ANXA8: variants seen among roughly 807,000 people sequenced by gnomAD.
The protein encoded by ANXA8 is annexin A8.
Under a neutral mutation model 26.8 loss-of-function variants are expected in ANXA8, and 9 were observed. The observed-to-expected ratio is 0.34, with a 90% CI of 0.20 to 0.59. The LOEUF (loss-of-function observed/expected upper bound fraction) is 0.59, where lower values mean the gene tolerates loss of function less well. Ranked by LOEUF, ANXA8 falls within the 20% of genes least tolerant of loss-of-function variation. The pLI is 0.84. For synonymous variants in ANXA8, 39 were observed against 94.8 expected (o/e 0.41, Z 3.42); for missense variants, 83 against 238.5 (o/e 0.35, Z 4.29).
the ANXA8 span, among the ~76,000 whole-genome samples, chr10:47,769,122 G>A: frequency 2.1e-5 from 3 of 141,366 alleles, no homozygotes; most frequent in Middle Eastern, 3.5e-3. Flanking sequence ...GGTAGAGGAG[G>A]GAGCAAGTGG....
At chr10:47,667,929 G>C in the ANXA8 span, among the ~76,000 whole-genome samples, 9 of 151,816 alleles carry the variant, frequency 5.9e-5, no homozygotes, top group African/African-American at 2.2e-4. Flanking sequence ...GTAGAGACAG[G>C]GTTTCACCAT....
the ANXA8 span, among the ~76,000 whole-genome samples, chr10:47,971,029 G>A: frequency 1.5e-4 from 23 of 151,500 alleles, 2 homozygotes; most frequent in Non-Finnish European, 2.8e-4. Context: ...TGCCACCTTC[G>A]TGCTATGTGA....
the ANXA8 span, among the ~76,000 whole-genome samples, chr10:47,768,342 G>C: frequency 6.6e-6 from 1 of 151,520 alleles, no homozygotes; most frequent in Non-Finnish European, 1.5e-5. Flanking sequence ...AGCCATAAGA[G>C]GGCAGAAAGA....
At chr10:47,937,822 C>CTGTAAAGGACATGTTCA in the ANXA8 span, among the ~76,000 whole-genome samples, 4 of 147,424 alleles carry the variant, frequency 2.7e-5, no homozygotes, top group East Asian at 7.9e-4. Flanking sequence ...GATCATGTTC[C>CTGTAAAGGACATGTTCA]TGTAAAGGAC....
chr10:47,659,816 A>G, the ANXA8 span, among the ~76,000 whole-genome samples: 10 of 146,086 alleles, frequency 6.8e-5, no homozygotes, highest in Middle Eastern at 7.0e-3. Context: ...GGGTGCAGTG[A>G]TGTGATCTCT....
chr10:47,721,175 G>A, the ANXA8 span, among the ~76,000 whole-genome samples: 3 of 141,414 alleles, frequency 2.1e-5, 1 homozygote, highest in East Asian at 8.3e-4. Context: ...TGCATGGTAT[G>A]TAACAAACAA....
chr10:47,894,627 A>G, the ANXA8 span, among the ~76,000 whole-genome samples: 1 of 149,406 alleles, frequency 6.7e-6, no homozygotes, highest in Admixed American at 6.7e-5. Flanking sequence ...TACACACACC[A>G]CACACTACAC....
the ANXA8 span, chr10:47,563,803 T>C: frequency 1.4e-6 from 1 of 689,722 alleles, no homozygotes; most frequent in Non-Finnish European, 2.6e-6. Context: ...TTTTAAGTTG[T>C]ACTCTTTAAG....
chr10:47,568,549 CTTGTT>C, the ANXA8 span, among the ~76,000 whole-genome samples: 1 of 35,974 alleles, frequency 2.8e-5, no homozygotes, highest in East Asian at 3.3e-4. Context: ...TTTTATGAGT[CTTGTT>C]TTTTTTTTTT....
chr10:47,556,391 A>G, the ANXA8 span, among the ~76,000 whole-genome samples: 1 of 151,986 alleles, frequency 6.6e-6, no homozygotes, highest in African/African-American at 2.4e-5. Context: ...AGTTACTGTT[A>G]TCTTTTACTA....
At chr10:47,763,239 T>G in the ANXA8 span, 1 of 985,618 alleles carries the variant, frequency 1.0e-6, no homozygotes, top group Non-Finnish European at 1.2e-6. Context: ...TGGGCAGGGA[T>G]GCGGCGCTCG....
chr10:47,535,485 A>AAAAG, the ANXA8 span, among the ~76,000 whole-genome samples: 5 of 140,302 alleles, frequency 3.6e-5, no homozygotes, highest in Admixed American at 3.5e-4. Flanking sequence ...TATTTCAATA[A>AAAAG]AATAAAACTA....
the ANXA8 span, among the ~76,000 whole-genome samples, chr10:47,716,479 A>G: frequency 5.6e-5 from 7 of 126,048 alleles, 2 homozygotes; most frequent in Non-Finnish European, 1.1e-4. Context: ...ATGTGTAAAT[A>G]TGTTTTCCAA....
the ANXA8 span, among the ~76,000 whole-genome samples, chr10:47,667,337 C>T: frequency 6.6e-6 from 1 of 151,926 alleles, no homozygotes; most frequent in East Asian, 1.9e-4. Flanking sequence ...GTTGAAAGTA[C>T]AAAATCATTC....
the ANXA8 span, among the ~76,000 whole-genome samples, chr10:47,608,874 G>GT: frequency 5.9e-5 from 1 of 16,976 alleles, no homozygotes; most frequent in Non-Finnish European, 1.1e-4. Context: ...GCAGAAGTAT[G>GT]TTTAGAGCTT....
the ANXA8 span, among the ~76,000 whole-genome samples, chr10:47,723,824 A>G: frequency 3.5e-5 from 4 of 115,230 alleles, no homozygotes; most frequent in African/African-American, 1.2e-4. Context: ...ACATACCCAC[A>G]ATAGACTCTT....
At chr10:47,586,671 G>T in the ANXA8 span, among the ~76,000 whole-genome samples, 65 of 146,042 alleles carry the variant, frequency 4.5e-4, 1 homozygote, top group South Asian at 1.7e-3. Flanking sequence ...AGTGATGGAG[G>T]TTGGAAGGAG....
chr10:47,896,884 G>T, the ANXA8 span, among the ~76,000 whole-genome samples: 35 of 151,768 alleles, frequency 2.3e-4, 1 homozygote, highest in Middle Eastern at 3.4e-3. Flanking sequence ...CAAGGAAATA[G>T]AGTTAATTGA....
the ANXA8 span, among the ~76,000 whole-genome samples, chr10:47,743,834 C>T: frequency 6.8e-6 from 1 of 147,376 alleles, no homozygotes; most frequent in Non-Finnish European, 1.5e-5. Context: ...GCTCTCCTAG[C>T]GGGGACACCG....
Sources: allele counts gnomAD v4.1 joint callset (sites outside exome capture counted in the v4.1 genomes callset), GRCh38; gene constraint gnomAD v4.1.1; transcripts MANE v1.5; gene names NCBI Gene and HGNC (gene_info 2026-07-23, HGNC 2026-07-21).